PIWIL3: variants seen among roughly 807,000 people sequenced by gnomAD.
The protein encoded by PIWIL3 is piwi like RNA-mediated gene silencing 3, also known as piwi-like protein 3.
A neutral mutation model predicts 109.7 loss-of-function variants in PIWIL3; 101 were observed. That is an observed-to-expected ratio of 0.92 (90% CI 0.78 to 1.09). The LOEUF (loss-of-function observed/expected upper bound fraction) is 1.09, where lower values mean the gene tolerates loss of function less well. PIWIL3 is among the 50% of genes least tolerant of loss of function. The pLI is 0.00. For missense variants in PIWIL3, 1,031 were observed against 1,072.6 expected (o/e 0.96, Z 0.54); for synonymous variants, 373 against 376.4 (o/e 0.99, Z 0.10).
intron 1 of PIWIL3, among the ~76,000 whole-genome samples, chr22:24,764,680 T>A (rs1925685429): frequency 9.1e-6 from 1 of 110,208 alleles, no homozygotes; most frequent in African/African-American, 3.6e-5. Context: ...TGAGACAGGA[T>A]CTCTCTCTTT....
At chr22:24,722,981 C>T (rs1055049807) in intron 19 of PIWIL3, 149 bp downstream of exon 19, 88 of 848,346 alleles carry the variant, frequency 1.0e-4, no homozygotes, top group Admixed American at 8.3e-4. Context: ...AATGAGGAAT[C>T]TCTGCCCAAT....
intron 9 of PIWIL3, among the ~76,000 whole-genome samples, chr22:24,750,893 G>A (rs1180880174): frequency 6.6e-6 from 1 of 151,212 alleles, no homozygotes; most frequent in Non-Finnish European, 1.5e-5. Flanking sequence ...GGAGGCCAAG[G>A]CAGGCGGATC....
chr22:24,763,816 C>A (rs539588976), intron 1 of PIWIL3, among the ~76,000 whole-genome samples: 43 of 152,028 alleles, frequency 2.8e-4, no homozygotes, highest in African/African-American at 9.2e-4. Flanking sequence ...GGGACCTCCG[C>A]CCACCATCTC....
intron 1 of PIWIL3, among the ~76,000 whole-genome samples, chr22:24,772,075 C>G (rs1055382518): frequency 6.6e-6 from 1 of 152,056 alleles, no homozygotes; most frequent in South Asian, 2.1e-4. Context: ...GGAATACATT[C>G]GATAACACAG....
Position 24,719,457 on chromosome 22 carries a change from GTCT to G in PIWIL3, c.*12_*14del, listed in dbSNP as rs372603567. The G allele has an allele frequency of 9.5e-4, 1,453 of 1,532,964 alleles. 8 individuals are homozygous for G. In the African/African-American group the frequency reaches 0.015, roughly 16 times the overall value. The allele number at this position is 1,532,964 out of a possible 1,614,324, so 95.0% of individuals were successfully genotyped here. On this transcript the variant is annotated 3_prime_UTR_variant, in exon 21 of 21. Coordinates refer to ENST00000616349, the MANE Select transcript of PIWIL3 (RefSeq NM_001255975.1). ...CGTTGTGGTTTCATTAGCACATCAG[GTCT>G]TCTTCTGCAGGTCAAAGGTAAAAGA...
chr22:24,760,945 C>T (rs1880494254), intron 2 of PIWIL3, among the ~76,000 whole-genome samples: 1 of 152,002 alleles, frequency 6.6e-6, no homozygotes, highest in Non-Finnish European at 1.5e-5. Context: ...GAGAAATTGT[C>T]TGATACTGGA....
Position 24,762,285 on chromosome 22 carries a change from T to C in PIWIL3, c.102+113A>G, listed in dbSNP as rs192313261. The C allele has an allele frequency of 3.5e-5, 50 of 1,437,164 alleles. No homozygotes were observed. In the African/African-American group the frequency reaches 6.5e-4, roughly 19 times the overall value. The allele number at this position is 1,437,164 out of a possible 1,614,324, so 89.0% of individuals were successfully genotyped here. A position where few individuals can be genotyped will look rare whatever the true frequency, so the allele number is the denominator to read the frequency against. Reference sequence around the variant, plus strand: ...CCTGACTTTTCTTATGAACTTTTATTAGTCCTCACTTAGCACTATACCTGA... The same window carrying C: ...CCTGACTTTTCTTATGAACTTTTATCAGTCCTCACTTAGCACTATACCTGA... On this transcript the variant is annotated intron_variant, in intron 2 of 20. Coordinates refer to ENST00000616349, the MANE Select transcript of PIWIL3 (RefSeq NM_001255975.1).
At chr22:24,750,482 A>ATTTTTTTTTTTTTTT (rs1241174453) in intron 9 of PIWIL3, among the ~76,000 whole-genome samples, 1 of 114,296 alleles carries the variant, frequency 8.7e-6, no homozygotes, top group Non-Finnish European at 1.8e-5. Flanking sequence ...ACCACATTTG[A>ATTTTTTTTTTTTTTT]TTTTTTTTCT....
In PIWIL3 at chr22:24,739,545, AG is replaced by A. The variant is rs1923855745; in HGVS notation, c.1450-3654del. On this transcript the variant is annotated intron_variant, in intron 12 of 20. Transcript: ENST00000616349. The stretch of plus-strand genomic sequence containing the variant: ...GAAGAGAGTAGCATAACATCTTTAA[AG>A]TGCTGTAGGAAAAAAAAAATTACCC... 3.3e-5 allele frequency among the ~76,000 whole-genome samples: 5 copies of A among 151,900 alleles called. No homozygotes were observed. The South Asian group carries it at 1.1e-3, about 32-fold the overall frequency.
At chr22:24,738,600 T>C (rs1056683369) in intron 12 of PIWIL3, among the ~76,000 whole-genome samples, 1 of 152,232 alleles carries the variant, frequency 6.6e-6, no homozygotes, top group African/African-American at 2.4e-5. Context: ...TCCAGAAGTC[T>C]TCTGGATCAT....
intron 12 of PIWIL3, among the ~76,000 whole-genome samples, chr22:24,746,600 A>G (rs1324945366): frequency 1.4e-5 from 2 of 146,344 alleles, no homozygotes; most frequent in African/African-American, 5.0e-5. Context: ...AATTGCAAAG[A>G]TAGGATCTGA....
At chr22:24,757,615 TACACACACACACACACACAC>T (rs139481317) in intron 4 of PIWIL3, among the ~76,000 whole-genome samples, 1 of 79,474 alleles carries the variant, frequency 1.3e-5, no homozygotes, top group African/African-American at 4.8e-5. Context: ...AAAATTTACA[TACACACACACACACACACAC>T]ACATATATAA....
chr22:24,724,556 TCC>T (rs963610874), intron 18 of PIWIL3, among the ~76,000 whole-genome samples: 1 of 151,868 alleles, frequency 6.6e-6, no homozygotes, highest in Non-Finnish European at 1.5e-5. Context: ...TGCCTCAGCC[TCC>T]CGAGTAGCTG....
At chr22:24,756,852 G>T in intron 4 of PIWIL3, 147 bp from the exon 5 acceptor site, 1 of 667,438 alleles carries the variant, frequency 1.5e-6, no homozygotes, top group East Asian at 2.7e-5. Context: ...GGCCAAGGCG[G>T]GTGGATCACC....
chr22:24,733,713 C>CA (rs35515315), intron 14 of PIWIL3, among the ~76,000 whole-genome samples: 5 of 126,818 alleles, frequency 3.9e-5, no homozygotes, highest in Admixed American at 7.7e-5. Flanking sequence ...ACAACAACAA[C>CA]AAAAAAAAAC....
rs1274458997 is a variant in PIWIL3, at chr22:24,728,348, G to A, written c.1734C>T (p.Asp578=). The A allele has an allele frequency of 2.5e-6, 4 of 1,614,106 alleles. No homozygotes were observed. The highest frequency in any genetic ancestry group is 2.2e-5 in the South Asian group (2 of 91,078). Residue 578 remains aspartate (D), a synonymous_variant, in exon 15 of 21, where the codon GAC becomes GAT. Transcript: ENST00000616349. ...TTTTTATGCTGTCATATCTACGTTT[G>A]TCATCATTGGGCAGGATACAAATCA... ...QMVICILPND[D]KRRYDSIKRY...
At chr22:24,758,603 G>T (rs901079350) in intron 3 of PIWIL3, among the ~76,000 whole-genome samples, 1 of 152,160 alleles carries the variant, frequency 6.6e-6, no homozygotes, top group African/African-American at 2.4e-5. Context: ...ATACGCACAC[G>T]TTATTGTAAA....
At position 24,749,891 on chromosome 22, in the gene PIWIL3, G is replaced by C. The variant is rs536727381; in HGVS notation, c.1090-72C>G. On this transcript the variant is annotated intron_variant, in intron 9 of 20. Coordinates refer to ENST00000616349, the MANE Select transcript of PIWIL3 (RefSeq NM_001255975.1). ...AAACATCACACACAGAGGTTCAAAA[G>C]TGCATGTGTGGGACTACAAATGAAG... 294 of 1,607,872 alleles carry C rather than the reference G, an allele frequency of 1.8e-4. No individual in the cohort carries two copies. In the South Asian group the frequency reaches 2.9e-3, roughly 16 times the overall value.
At chr22:24,722,778 G>A (rs965997279) in intron 19 of PIWIL3, among the ~76,000 whole-genome samples, 2 of 152,104 alleles carry the variant, frequency 1.3e-5, no homozygotes, top group Non-Finnish European at 2.9e-5. Flanking sequence ...TGATGGTCGT[G>A]ATATAGTCAA....
Sources: gnomAD v4.1 joint callset for allele counts (sites outside exome capture counted in the v4.1 genomes callset) on GRCh38, gnomAD v4.1.1 for gene constraint, MANE v1.5 for transcripts, NCBI Gene and HGNC (gene_info 2026-07-23, HGNC 2026-07-21) for gene names.